Variants in NRXN3 observed in about 807,000 individuals in gnomAD.
The protein encoded by NRXN3 is neurexin 3.
A neutral mutation model predicts 137.6 loss-of-function variants in NRXN3; 32 were observed. The observed-to-expected ratio is 0.23, with a 90% CI of 0.18 to 0.31. The LOEUF (loss-of-function observed/expected upper bound fraction) is 0.31, where lower values mean the gene tolerates loss of function less well. Among genes scored for constraint, NRXN3 ranks in the 10% least tolerant of loss-of-function variants. The pLI, the probability that NRXN3 is intolerant of heterozygous loss-of-function variation, is 1.00. For synonymous variants in NRXN3, 798 were observed against 784.5 expected (o/e 1.02, Z -0.29); for missense variants, 1,574 against 2,062.5 (o/e 0.76, Z 4.59).
chr14:79,778,492 AC>A (rs1402775013), intron 19 of NRXN3, among the ~76,000 whole-genome samples: 1 of 152,158 alleles, frequency 6.6e-6, no homozygotes. Flanking sequence ...AGGCCCTACT[AC>A]CCGGCAGCAG....
At chr14:79,164,229 T>C (rs1217342353) in intron 15 of NRXN3, among the ~76,000 whole-genome samples, 1 of 152,020 alleles carries the variant, frequency 6.6e-6, no homozygotes, top group East Asian at 1.9e-4. Context: ...TTGAATTCTT[T>C]AGCATACATA....
intron 16 of NRXN3, among the ~76,000 whole-genome samples, chr14:79,489,990 G>A (rs1567269004): frequency 7.6e-6 from 1 of 131,236 alleles, no homozygotes; most frequent in Non-Finnish European, 1.5e-5. Flanking sequence ...AGTGAGCCGA[G>A]ATCACGCCAC....
chr14:79,127,773 G>A (rs1376017764), intron 15 of NRXN3, among the ~76,000 whole-genome samples: 1 of 152,074 alleles, frequency 6.6e-6, no homozygotes, highest in South Asian at 2.1e-4. Flanking sequence ...GGGCAGTATG[G>A]CCATTTTCAC....
intron 15 of NRXN3, among the ~76,000 whole-genome samples, chr14:79,036,965 C>T (rs73316616): frequency 0.088 from 13,419 of 152,006 alleles, 2,032 homozygotes; most frequent in African/African-American, 0.31. Context: ...CAATTGCCGA[C>T]CACTATTTCA....
chr14:78,384,836 G>C (rs1428329289), intron 4 of NRXN3, among the ~76,000 whole-genome samples: 2 of 152,112 alleles, frequency 1.3e-5, no homozygotes, highest in African/African-American at 4.8e-5. Flanking sequence ...ATAACTCTAA[G>C]ATTTAGAATG....
intron 16 of NRXN3, among the ~76,000 whole-genome samples, chr14:79,628,634 C>G (rs74365946): frequency 6.6e-6 from 1 of 152,168 alleles, no homozygotes; most frequent in African/African-American, 2.4e-5. Context: ...CAGAGCCAAG[C>G]CTTCTGCTTA....
intron 7 of NRXN3, chr14:78,710,016 G>T: frequency 4.3e-6 from 1 of 230,888 alleles, no homozygotes; most frequent in Non-Finnish European, 8.5e-6. Context: ...TCATCACCAT[G>T]GAAACCGATT....
intron 10 of NRXN3, among the ~76,000 whole-genome samples, chr14:78,929,541 T>C (rs551244601): frequency 7.6e-4 from 116 of 152,304 alleles, no homozygotes; most frequent in African/African-American, 2.6e-3. Flanking sequence ...ACGATCTCAT[T>C]CTTTTTTATG....
intron 3 of NRXN3, among the ~76,000 whole-genome samples, chr14:78,286,480 T>C (rs1321364239): frequency 6.6e-6 from 1 of 152,130 alleles, no homozygotes; most frequent in African/African-American, 2.4e-5. Context: ...TCTGCAGACC[T>C]GCCTAGGGAG....
chr14:79,242,278 A>T (rs561491714), intron 15 of NRXN3, among the ~76,000 whole-genome samples: 1 of 152,212 alleles, frequency 6.6e-6, no homozygotes, highest in South Asian at 2.1e-4. Flanking sequence ...TAAAGCTCAG[A>T]TCCTAGAAGA....
intron 15 of NRXN3, among the ~76,000 whole-genome samples, chr14:79,163,591 T>G (rs191451968): frequency 2.0e-5 from 3 of 152,086 alleles, no homozygotes; most frequent in East Asian, 3.9e-4. Flanking sequence ...GTCCTTGATA[T>G]ACTCTGTTTA....
intron 19 of NRXN3, among the ~76,000 whole-genome samples, chr14:79,734,703 C>CAATT (rs992726294): frequency 3.9e-5 from 6 of 151,976 alleles, no homozygotes; most frequent in African/African-American, 1.4e-4. Flanking sequence ...TTCTCACACT[C>CAATT]AATTAAAAAA....
chr14:78,235,036 A>ATG (rs56692474), intron 1 of NRXN3, among the ~76,000 whole-genome samples: 19 of 132,720 alleles, frequency 1.4e-4, no homozygotes, highest in South Asian at 9.8e-4. Context: ...GTATATATAT[A>ATG]TGTGTGTGTG....
At chr14:79,485,552 C>A (rs2096647991) in intron 16 of NRXN3, among the ~76,000 whole-genome samples, 1 of 152,130 alleles carries the variant, frequency 6.6e-6, no homozygotes, top group African/African-American at 2.4e-5. Context: ...CACTTCTCCT[C>A]ACATTTTTTA....
chr14:79,231,373 G>A (rs537117999), intron 15 of NRXN3, among the ~76,000 whole-genome samples: 1 of 152,206 alleles, frequency 6.6e-6, no homozygotes, highest in African/African-American at 2.4e-5. Context: ...AGCCAATGTG[G>A]GTGCCTATTA....
At chr14:78,409,712 A>G (rs909198132) in intron 4 of NRXN3, among the ~76,000 whole-genome samples, 1 of 152,200 alleles carries the variant, frequency 6.6e-6, no homozygotes, top group African/African-American at 2.4e-5. Context: ...AGGCACACAC[A>G]CATAAGGAGC....
intron 19 of NRXN3, among the ~76,000 whole-genome samples, chr14:79,737,659 T>C (rs1396940747): frequency 6.6e-6 from 1 of 152,176 alleles, no homozygotes; most frequent in African/African-American, 2.4e-5. Context: ...GGGAATTAAT[T>C]ATCTGAAGCT....
intron 16 of NRXN3, among the ~76,000 whole-genome samples, chr14:79,529,083 A>G (rs7158082): frequency 0.067 from 10,150 of 152,162 alleles, 768 homozygotes; most frequent in African/African-American, 0.18. Flanking sequence ...CCAAATTGTA[A>G]AAGGAAGGGC....
In NRXN3 at chr14:79,852,234, A is replaced by AACGC. The variant is rs1491346009; in HGVS notation, c.4094-9106_4094-9105insGCAC. On this transcript the variant is annotated intron_variant, in intron 20 of 20. Transcript: ENST00000335750. ...CAATACAGGTTCTAGTTCAACTCCC[A>AACGC]ACACACACACACACACACACACACA... 1.7e-3 allele frequency among the ~76,000 whole-genome samples: 216 copies of AACGC among 128,266 alleles called. 1 individual carries two copies. Among genetic ancestry groups the AACGC allele is most frequent in the Middle Eastern group, 0.013 (3 of 226 alleles). 84.1% of individuals were successfully genotyped at this position (128,266 alleles called of 152,430 possible). A position where few individuals can be genotyped will look rare whatever the true frequency, so the allele number is the denominator to read the frequency against.
Sources: gnomAD v4.1 joint callset for allele counts (sites outside exome capture counted in the v4.1 genomes callset) on GRCh38, gnomAD v4.1.1 for gene constraint, MANE v1.5 for transcripts, NCBI Gene and HGNC (gene_info 2026-07-23, HGNC 2026-07-21) for gene names.